Variants in TFDP1 observed in about 807,000 individuals in gnomAD.
TFDP1 encodes DRTF1-polypeptide 1.
Under a neutral mutation model 48.0 loss-of-function variants are expected in TFDP1, and 6 were observed. That is an observed-to-expected ratio of 0.13 (90% CI 0.07 to 0.25). TFDP1 has a LOEUF of 0.25. Ranked by LOEUF, TFDP1 falls within the 10% of genes least tolerant of loss-of-function variation. TFDP1 has a pLI of 1.00. For missense variants in TFDP1, 335 were observed against 543.0 expected (o/e 0.62, Z 3.81); for synonymous variants, 201 against 211.6 (o/e 0.95, Z 0.44).
rs756761663 is a variant in TFDP1, at chr13:113,640,273, T to C, written c.*6T>C. On this transcript the variant is annotated 3_prime_UTR_variant, in exon 12 of 12. Transcript: ENST00000375370. ...AGAATGACGAGGACGACTGACGTCC[T>C]CCCCACTTCAGATTCGGCTTCAGGA... is the stretch of plus-strand genomic sequence containing the variant. 5.4e-5 allele frequency: 87 copies of C among 1,608,066 alleles called. No homozygotes were observed. The highest frequency in any genetic ancestry group is 7.0e-5 in the Non-Finnish European group (83 of 1,178,220).
At chr13:113,605,344 C>T (rs1404660290) in intron 2 of TFDP1, among the ~76,000 whole-genome samples, 2 of 148,780 alleles carry the variant, frequency 1.3e-5, no homozygotes, top group African/African-American at 2.5e-5. Flanking sequence ...AATTCAGTGA[C>T]GACCTGGTTG....
chr13:113,614,665 C>T (rs1048615993), intron 3 of TFDP1, among the ~76,000 whole-genome samples: 1 of 152,202 alleles, frequency 6.6e-6, no homozygotes, highest in Non-Finnish European at 1.5e-5. Flanking sequence ...CACAGCCTCC[C>T]GGGGCCACTG....
At chr13:113,618,348 T>C (rs6577056) in intron 3 of TFDP1, among the ~76,000 whole-genome samples, 10,166 of 152,146 alleles carry the variant, frequency 0.067, 957 homozygotes, top group African/African-American at 0.21. Context: ...GTGGCGAAAC[T>C]CTGTCTCTAC....
intron 4 of TFDP1, among the ~76,000 whole-genome samples, chr13:113,625,745 A>G (rs1379784679): frequency 2.7e-5 from 3 of 112,404 alleles, no homozygotes; most frequent in Admixed American, 2.6e-4. Context: ...ACGTGTCCTC[A>G]GGCGTCTCTC....
chr13:113,589,522 G>A (rs551040065), intron 2 of TFDP1, among the ~76,000 whole-genome samples: 4 of 152,332 alleles, frequency 2.6e-5, no homozygotes, highest in Admixed American at 6.5e-5. Flanking sequence ...TGGGAGGTCC[G>A]TACAGACTCT....
chr13:113,607,171 G>A lies in TFDP1; in HGVS notation c.13-3825G>A, dbSNP rs764131053. ...AGGGAGGCTGGCCCCTGACAGAGCC[G>A]TGCAGGCGGCAGCGGCAGCACTGTT... is the stretch of plus-strand genomic sequence containing the variant. On this transcript the variant is annotated intron_variant, in intron 2 of 11. Coordinates refer to ENST00000375370, the MANE Select transcript of TFDP1 (RefSeq NM_007111.5). This position sits in a 1 kb window ranked among gnomAD's most constrained non-coding sequence, Gnocchi z 5.2. Among the ~76,000 whole-genome samples, 7 of 152,242 alleles carry A rather than the reference G, an allele frequency of 4.6e-5. No individual in the cohort carries two copies. The highest frequency in any genetic ancestry group is 1.4e-4 in the African/African-American group (6 of 41,464).
At chr13:113,624,983 T>C (rs2049097370) in intron 4 of TFDP1, among the ~76,000 whole-genome samples, 1 of 116,936 alleles carries the variant, frequency 8.6e-6, no homozygotes, top group African/African-American at 3.8e-5. Context: ...TCACATGTCC[T>C]CAGGTGTCTC....
intron 2 of TFDP1, among the ~76,000 whole-genome samples, chr13:113,594,381 G>A (rs991758129): frequency 4.8e-5 from 7 of 147,160 alleles, no homozygotes; most frequent in African/African-American, 1.3e-4. Flanking sequence ...GGCGTGATGC[G>A]TGTGGGTCCT....
chr13:113,609,289 C>T (rs914819827), intron 2 of TFDP1, among the ~76,000 whole-genome samples: 9 of 152,204 alleles, frequency 5.9e-5, no homozygotes, highest in African/African-American at 1.9e-4. Flanking sequence ...CCCTGCACAT[C>T]CTACCTCACC....
intron 2 of TFDP1, among the ~76,000 whole-genome samples, chr13:113,606,937 A>G (rs1001082132): frequency 6.6e-6 from 1 of 151,930 alleles, no homozygotes; most frequent in South Asian, 2.1e-4. Context: ...TCATGTTCCT[A>G]GTTGGAAATT....
intron 3 of TFDP1, among the ~76,000 whole-genome samples, chr13:113,619,237 C>A (rs938814786): frequency 6.6e-6 from 1 of 152,182 alleles, no homozygotes; most frequent in African/African-American, 2.4e-5. Context: ...CTTTGGGAGG[C>A]CGAGGCAGGC....
intron 4 of TFDP1, among the ~76,000 whole-genome samples, chr13:113,624,661 G>GGT (rs1430575959): frequency 9.1e-5 from 13 of 142,752 alleles, no homozygotes; most frequent in African/African-American, 3.2e-4. Context: ...CATGTCCTCA[G>GGT]GTGTCTCTCA....
chr13:113,632,648 C>G (rs952009285), intron 5 of TFDP1, among the ~76,000 whole-genome samples: 2 of 152,106 alleles, frequency 1.3e-5, no homozygotes, highest in African/African-American at 2.4e-5. Flanking sequence ...TGTGGTGGCA[C>G]GTGCCTGTAA....
At chr13:113,639,676 G>C (rs1220953491) in intron 11 of TFDP1, among the ~76,000 whole-genome samples, 2 of 152,234 alleles carry the variant, frequency 1.3e-5, no homozygotes, top group African/African-American at 4.8e-5. Flanking sequence ...CCAGCCCTCT[G>C]GGTTCTCAGT....
Position 113,627,401 on chromosome 13 carries a change from C to T in TFDP1, c.186+4115C>T, listed in dbSNP as rs368345603. ...CCCTGGGGAGAAGCAGCCCCCCACC[C>T]AGGCCTGTGTCCCAGAAGTCGGCAT... On this transcript the variant is annotated intron_variant, in intron 4 of 11. Transcript: ENST00000375370. This position sits in a 1 kb window ranked among gnomAD's most constrained non-coding sequence, Gnocchi z 4.1. Among the ~76,000 whole-genome samples the T allele has an allele frequency of 4.4e-3, 664 of 152,298 alleles. 6 individuals carry two copies. The highest frequency in any genetic ancestry group is 0.015 in the African/African-American group (630 of 41,552).
In TFDP1 at chr13:113,598,579, C is replaced by T. The variant is rs1470584297; in HGVS notation, c.13-12417C>T. ...TCCCTAACCTGCCCTCCTGTGACTC[C>T]CATTGTGTATGAACTTACCTCCTCG... On this transcript the variant is annotated intron_variant, in intron 2 of 11. Transcript: ENST00000375370. This position sits in a 1 kb window ranked among gnomAD's most constrained non-coding sequence, Gnocchi z 4.2. Among the ~76,000 whole-genome samples, 1 of 152,180 alleles carries T rather than the reference C, an allele frequency of 6.6e-6. No homozygotes were observed. The highest frequency in any genetic ancestry group is 2.4e-5 in the African/African-American group (1 of 41,428).
chr13:113,602,391 C>G (rs773816012), intron 2 of TFDP1, among the ~76,000 whole-genome samples: 1 of 152,216 alleles, frequency 6.6e-6, no homozygotes, highest in East Asian at 1.9e-4. Context: ...AAAGGAGGAG[C>G]GGAGAGAGTT....
rs572487445 is a variant in TFDP1 at position 113,586,458 on chromosome 13, C to G, written c.12+609C>G. 1.5e-4 allele frequency among the ~76,000 whole-genome samples: 23 copies of G among 152,246 alleles called. No individual in the cohort carries two copies. The East Asian group carries it at 4.4e-3, about 29-fold the overall frequency. ...GAATATTTTGAAAATTTTTTAAAGC[C>G]AGAAATTTAGTCTATTTTATTGGTG... is the stretch of plus-strand genomic sequence containing the variant. On this transcript the variant is annotated intron_variant, in intron 2 of 11. Transcript: ENST00000375370.
chr13:113,608,921 G>A (rs893152920), intron 2 of TFDP1, among the ~76,000 whole-genome samples: 7 of 152,146 alleles, frequency 4.6e-5, no homozygotes, highest in South Asian at 4.1e-4. Context: ...TTAACGTCTC[G>A]GCCTTACCAA....
Sources: allele counts gnomAD v4.1 joint callset (sites outside exome capture counted in the v4.1 genomes callset), GRCh38; gene constraint gnomAD v4.1.1; non-coding constraint Gnocchi (gnomAD v3.1); transcripts MANE v1.5; gene names NCBI Gene and HGNC (gene_info 2026-07-23, HGNC 2026-07-21).